Variants in OSBPL3 observed in about 807,000 individuals in gnomAD.
OSBPL3 encodes the protein oxysterol binding protein like 3, also known as oxysterol-binding protein-related protein 3.
A neutral mutation model predicts 120.1 loss-of-function variants in OSBPL3; 65 were observed. That is an observed-to-expected ratio of 0.54 (90% CI 0.44 to 0.67). OSBPL3 has a LOEUF of 0.67. OSBPL3 is among the 30% of genes least tolerant of loss of function. The probability of loss-of-function intolerance (pLI) is 0.00; values close to 1 mark genes in which losing one functional copy is unlikely to be tolerated. For missense variants in OSBPL3, 1,004 were observed against 1,082.1 expected (o/e 0.93, Z 1.01); for synonymous variants, 416 against 402.6 (o/e 1.03, Z -0.40).
At position 24,877,537 on chromosome 7, in the gene OSBPL3, C is replaced by G. The variant is rs1436512452; in HGVS notation, c.97-5468G>C. Among the ~76,000 whole-genome samples, 2 of 152,154 alleles carry G rather than the reference C, an allele frequency of 1.3e-5. No homozygotes were observed. Among genetic ancestry groups the G allele is most frequent in the Admixed American group, 1.3e-4 (2 of 15,276 alleles). ...AGCTAGAACATGGGTTCCGTGAGGA[C>G]AGGGACTGTGTCTTATTTATTACAA... On this transcript the variant is annotated intron_variant, in intron 2 of 22. Transcript: ENST00000313367. The surrounding 1 kb of genome is among the most constrained non-coding windows in gnomAD (Gnocchi z 4.8).
At chr7:24,977,415 T>C (rs1337191716) in intron 1 of OSBPL3, among the ~76,000 whole-genome samples, 1 of 152,172 alleles carries the variant, frequency 6.6e-6, no homozygotes, top group Non-Finnish European at 1.5e-5. Flanking sequence ...AACATCTAAT[T>C]AGTGGGGCGA....
chr7:24,845,384 T>TAAAAAAAAAAA (rs34559902), intron 12 of OSBPL3, among the ~76,000 whole-genome samples: 1,932 of 62,078 alleles, frequency 0.031, 2 homozygotes, highest in Non-Finnish European at 0.041. Context: ...GCAAAATAAG[T>TAAAAAAAAAAA]AAAAAAAAAA....
chr7:24,841,538 A>C (rs1797744181), intron 13 of OSBPL3, among the ~76,000 whole-genome samples: 1 of 151,556 alleles, frequency 6.6e-6, no homozygotes, highest in Admixed American at 6.6e-5. Flanking sequence ...TCTACTAAAA[A>C]TACAAAAATT....
chr7:24,871,891 G>A lies in OSBPL3; in HGVS notation c.213+62C>T. On this transcript the variant is annotated intron_variant, in intron 3 of 22. Transcript: ENST00000313367. This position sits in a 1 kb window ranked among gnomAD's most constrained non-coding sequence, Gnocchi z 4.8. Reference sequence around the variant, plus strand: ...CTAGAAATTAAATATGAGTACCTAAGAACCAGGTGCTGAGTGGGGCAGTGT... The same window carrying A: ...CTAGAAATTAAATATGAGTACCTAAAAACCAGGTGCTGAGTGGGGCAGTGT... 1.4e-6 allele frequency: 2 copies of A among 1,459,092 alleles called. No homozygotes were observed. Among genetic ancestry groups the A allele is most frequent in the Non-Finnish European group, 1.9e-6 (2 of 1,038,702 alleles). 90.4% of individuals were successfully genotyped at this position (1,459,092 alleles called of 1,614,324 possible).
At position 24,854,502 on chromosome 7, in the gene OSBPL3, G is replaced by GCGCACA. The variant is rs1554367185; in HGVS notation, c.1028-1869_1028-1868insTGTGCG. ...CACAACAATTTGTACACACACACAC[G>GCGCACA]CACACACACACACACACACACACAC... On this transcript the variant is annotated intron_variant, in intron 10 of 22. Transcript: ENST00000313367. The surrounding 1 kb of genome is among the most constrained non-coding windows in gnomAD (Gnocchi z 4.1). 1.6e-4 allele frequency among the ~76,000 whole-genome samples: 21 copies of GCGCACA among 131,588 alleles called. No homozygotes were observed. Among genetic ancestry groups the GCGCACA allele is most frequent in the African/African-American group, 4.7e-4 (17 of 35,936 alleles). 86.3% of individuals were successfully genotyped at this position (131,588 alleles called of 152,430 possible). A position where few individuals can be genotyped will look rare whatever the true frequency, so the allele number is the denominator to read the frequency against.
rs747517825 is a variant in OSBPL3, at chr7:24,827,495, T to G, written c.1884+3273A>C. ...GTGTACTGAATCACATAGCTGCATC[T>G]TCACACTGTATGCTCACTTAGGATT... On this transcript the variant is annotated intron_variant, in intron 16 of 22. Transcript: ENST00000313367. This position sits in a 1 kb window ranked among gnomAD's most constrained non-coding sequence, Gnocchi z 5.1. Among the ~76,000 whole-genome samples, 5 of 152,250 alleles carry G rather than the reference T, an allele frequency of 3.3e-5. No individual in the cohort carries two copies. The highest frequency in any genetic ancestry group is 7.3e-5 in the Non-Finnish European group (5 of 68,046).
chr7:24,956,960 G>C (rs1173427648), intron 1 of OSBPL3, among the ~76,000 whole-genome samples: 1 of 151,758 alleles, frequency 6.6e-6, no homozygotes, highest in Admixed American at 6.6e-5. Context: ...TAAGATTTTG[G>C]GCACATCCCT....
intron 2 of OSBPL3, among the ~76,000 whole-genome samples, chr7:24,875,303 T>C (rs945663624): frequency 1.3e-5 from 2 of 152,340 alleles, no homozygotes; most frequent in Non-Finnish European, 1.5e-5. Context: ...TAGAGAACGA[T>C]ATTGCTGAAG....
chr7:24,840,856 C>T (rs960718102), intron 13 of OSBPL3, 73 bp from the exon 14 acceptor site: 50 of 691,792 alleles, frequency 7.2e-5, no homozygotes, highest in Admixed American at 2.9e-5. Context: ...AACCCTTACT[C>T]TAAATGATCA....
At position 24,809,861 on chromosome 7, in the gene OSBPL3, G is replaced by T. The variant is rs1441562305; in HGVS notation, c.2263C>A (p.His755Asn). 1.9e-6 allele frequency: 3 copies of T among 1,614,028 alleles called. No homozygotes were observed. Among genetic ancestry groups the T allele is most frequent in the Non-Finnish European group, 1.7e-6 (2 of 1,180,000 alleles). The change falls in exon 20 of 23, where the codon CAT becomes AAT. Residue 755 changes from histidine (H) to asparagine (N), a missense_variant. Physicochemically the swap from His to Asn is moderately conservative, Grantham distance 68 (BLOSUM62 1). This residue lies in a region of OSBPL3 where 473 missense variants were observed against 568.0 expected (regional missense o/e 0.83). Coordinates refer to ENST00000313367, the MANE Select transcript of OSBPL3 (RefSeq NM_015550.4). ...KAVHRLFGKW[H>N]ESIYCGGGSS... ...CCGCCGCCACAGTAGATGCTTTCATGCCATTTCCCAAACAGCCGATGAACC... is the reference window on the plus strand; with the variant it reads ...CCGCCGCCACAGTAGATGCTTTCATTCCATTTCCCAAACAGCCGATGAACC...
chr7:24,848,226 C>T (rs570628806), intron 12 of OSBPL3, among the ~76,000 whole-genome samples: 265 of 152,214 alleles, frequency 1.7e-3, no homozygotes, highest in Middle Eastern at 6.8e-3. Flanking sequence ...AAAAGAAGGA[C>T]GAAACACTAT....
rs4722402 is a variant in OSBPL3, at chr7:24,900,041, C to T, written c.-149-7420G>A. Among the ~76,000 whole-genome samples the T allele has an allele frequency of 0.093, 14,146 of 152,182 alleles. 816 individuals are homozygous for T. The highest frequency in any genetic ancestry group is 0.27 in the East Asian group (1,387 of 5,178). ...GTGGCAGAGGGTAGGAAGCTAAAAC[C>T]CTCTTTTATTATCGTAGTCCTGTGG... On this transcript the variant is annotated intron_variant, in intron 1 of 22. Coordinates refer to ENST00000313367, the MANE Select transcript of OSBPL3 (RefSeq NM_015550.4). This position sits in a 1 kb window ranked among gnomAD's most constrained non-coding sequence, Gnocchi z 4.5.
Position 24,940,772 on chromosome 7 carries a change from C to A in OSBPL3, c.-150+39114G>T, listed in dbSNP as rs539559848. On this transcript the variant is annotated intron_variant, in intron 1 of 22. Transcript: ENST00000313367. The surrounding 1 kb of genome is among the most constrained non-coding windows in gnomAD (Gnocchi z 4.4). Reference sequence around the variant, plus strand: ...AACAGGAGACAGCTACAAACCAAAGCTCACACTTCCCACATCGCTCTTCTT... The same window carrying A: ...AACAGGAGACAGCTACAAACCAAAGATCACACTTCCCACATCGCTCTTCTT... Among the ~76,000 whole-genome samples the A allele has an allele frequency of 3.4e-4, 51 of 152,104 alleles. No individual in the cohort carries two copies. Among genetic ancestry groups the A allele is most frequent in the Middle Eastern group, 3.4e-3 (1 of 294 alleles).
At chr7:24,837,546 A>T (rs17292110) in intron 14 of OSBPL3, among the ~76,000 whole-genome samples, 16,996 of 152,100 alleles carry the variant, frequency 0.11, 1,063 homozygotes, top group Non-Finnish European at 0.15. Flanking sequence ...GTCTCAAAAA[A>T]TTTTCTTTGA....
chr7:24,951,157 A>C (rs1814382764), intron 1 of OSBPL3, among the ~76,000 whole-genome samples: 1 of 152,238 alleles, frequency 6.6e-6, no homozygotes, highest in South Asian at 2.1e-4. Context: ...GTAGGAGAAA[A>C]GAAACGAAGA....
intron 7 of OSBPL3, among the ~76,000 whole-genome samples, chr7:24,864,144 C>T (rs1333533088): frequency 2.0e-5 from 3 of 152,122 alleles, no homozygotes; most frequent in African/African-American, 4.8e-5. Context: ...GCCTGAGGAC[C>T]ATAATAAGCC....
rs2285689 is a variant in OSBPL3, at chr7:24,834,880, C to T, written c.1496-144G>A. The T allele has an allele frequency of 0.25, 179,418 of 704,448 alleles. 24,277 individuals carry two copies. Among genetic ancestry groups the T allele is most frequent in the Admixed American group, 0.37 (10,770 of 29,340 alleles). The allele number at this position is 704,448 out of a possible 1,614,324, so 43.6% of individuals were successfully genotyped here. A position where few individuals can be genotyped will look rare whatever the true frequency, so the allele number is the denominator to read the frequency against. ...TCAGAGTATGGCTGAAGTCAGAAAA[C>T]CGGCAAAAGAATTCTGAGCAATTAA... On this transcript the variant is annotated intron_variant, in intron 14 of 22. Transcript: ENST00000313367. This position sits in a 1 kb window ranked among gnomAD's most constrained non-coding sequence, Gnocchi z 5.2.
At chr7:24,832,362 T>G (rs1262354881) in intron 15 of OSBPL3, among the ~76,000 whole-genome samples, 1 of 151,038 alleles carries the variant, frequency 6.6e-6, no homozygotes, top group Non-Finnish European at 1.5e-5. Context: ...ATACAAAAAT[T>G]AGCCGGGTGT....
intron 1 of OSBPL3, among the ~76,000 whole-genome samples, chr7:24,919,743 A>C (rs1443637919): frequency 6.6e-6 from 1 of 151,520 alleles, no homozygotes; most frequent in African/African-American, 2.4e-5. Context: ...AGAACGAGAG[A>C]TAATATTTGC....
Sources: allele counts gnomAD v4.1 joint callset (sites outside exome capture counted in the v4.1 genomes callset), GRCh38; gene constraint gnomAD v4.1.1; regional missense constraint gnomAD v4.1.1; non-coding constraint Gnocchi (gnomAD v3.1); transcripts MANE v1.5; gene names NCBI Gene and HGNC (gene_info 2026-07-23, HGNC 2026-07-21).